The following EXOC4 variants were observed in gnomAD, a reference collection of about 807,000 sequenced individuals.
The protein encoded by EXOC4 is exocyst complex component 4.
Under a neutral mutation model 107.2 loss-of-function variants are expected in EXOC4, and 71 were observed. That is an observed-to-expected ratio of 0.66 (90% confidence interval 0.55 to 0.81). The LOEUF (loss-of-function observed/expected upper bound fraction) is 0.81. Ranked by LOEUF, EXOC4 falls within the 30% of genes least tolerant of loss-of-function variation. The pLI is 0.00. For synonymous variants in EXOC4, 456 were observed against 441.2 expected, an observed-to-expected ratio of 1.03 and a Z score of -0.42; for missense variants, 1,108 against 1,189.6, an observed-to-expected ratio of 0.93 and a Z score of 1.01.
At chr7:133,874,175 A>G (rs955575632) in intron 11 of EXOC4, among the ~76,000 whole-genome samples, 10 of 152,162 alleles carry the variant, frequency 6.6e-5, no homozygotes, top group African/African-American at 2.4e-4. Flanking sequence ...AAATGAAGAA[A>G]AGGAGAGCAA....
chr7:134,090,377 C>T, the EXOC4 span, among the ~76,000 whole-genome samples: 311 of 152,240 alleles, frequency 2.0e-3, no homozygotes, highest in Middle Eastern at 0.01. Context: ...TTTGTTGGGC[C>T]ATCTTGAAAA....
At chr7:134,005,170 TC>T in intron 16 of EXOC4, 80 bp downstream of exon 16, 1 of 1,397,556 alleles carries the variant, frequency 7.2e-7, no homozygotes, top group Non-Finnish European at 9.8e-7. Context: ...TTACTGAAGT[TC>T]AAGACTTGTA....
chr7:133,513,848 A>G (rs1799819522), intron 9 of EXOC4, among the ~76,000 whole-genome samples: 1 of 152,132 alleles, frequency 6.6e-6, no homozygotes, highest in South Asian at 2.1e-4. Flanking sequence ...GGTTATTATG[A>G]AGATTCATGA....
chr7:133,795,837 C>T (rs1259365169), intron 10 of EXOC4, among the ~76,000 whole-genome samples: 1 of 152,152 alleles, frequency 6.6e-6, no homozygotes, highest in African/African-American at 2.4e-5. Flanking sequence ...ATTAATTTCA[C>T]CAACTATATC....
Position 133,275,179 on chromosome 7 carries a change from T to G in EXOC4, c.276+8T>G. 6.3e-7 allele frequency: 1 copy of G among 1,577,566 alleles called. No individual in the cohort carries two copies. Among genetic ancestry groups the G allele is most frequent in the Non-Finnish European group, 8.6e-7 (1 of 1,159,266 alleles). ...CGAAATAAAATAAAGCAGGTATTCC[T>G]CCTTTCTGGTCTGATGGTGGCAGCA... On this transcript the variant is annotated splice_region_variant and intron_variant, in intron 2 of 17. Transcript: ENST00000253861.
intron 7 of EXOC4, among the ~76,000 whole-genome samples, chr7:133,401,612 T>C (rs1286062599): frequency 6.6e-6 from 1 of 150,998 alleles, no homozygotes; most frequent in African/African-American, 2.4e-5. Context: ...CAGTGAGCTA[T>C]GTTGCTGCCA....
Position 133,579,546 on chromosome 7 carries a change from C to G in EXOC4, c.1418-50499C>G, listed in dbSNP as rs560174483. On this transcript the variant is annotated intron_variant, in intron 9 of 17. Transcript: ENST00000253861. ...TACAGTACAGTGTTACTAACTCCAT[C>G]CATATTGTAGTTCAACCATCACCAC... Among the ~76,000 whole-genome samples the G allele has an allele frequency of 5.3e-5, 8 of 152,258 alleles. No individual in the cohort carries two copies. In the East Asian group the frequency reaches 1.5e-3, roughly 29 times the overall value.
the EXOC4 span, among the ~76,000 whole-genome samples, chr7:134,099,811 C>A: frequency 0.027 from 4,121 of 152,170 alleles, 193 homozygotes; most frequent in African/African-American, 0.088. Context: ...GGTTCAAGTG[C>A]TTCTCCTGCC....
chr7:133,848,622 C>T (rs539140489), intron 11 of EXOC4, among the ~76,000 whole-genome samples: 2 of 152,186 alleles, frequency 1.3e-5, no homozygotes, highest in African/African-American at 2.4e-5. Context: ...TATTATTCCA[C>T]GACTTTCCCC....
chr7:133,566,693 TTTG>T (rs1233568910), intron 9 of EXOC4, among the ~76,000 whole-genome samples: 1 of 152,230 alleles, frequency 6.6e-6, no homozygotes, highest in African/African-American at 2.4e-5. Flanking sequence ...CTATTCTTGC[TTTG>T]TTGTTTGTTT....
intron 9 of EXOC4, among the ~76,000 whole-genome samples, chr7:133,543,484 T>A (rs1800420800): frequency 6.6e-6 from 1 of 152,146 alleles, no homozygotes; most frequent in Non-Finnish European, 1.5e-5. Flanking sequence ...TTCTCCTGAG[T>A]TGCTGCCCCC....
chr7:133,480,108 G>A lies in EXOC4; in HGVS notation c.1387G>A (p.Glu463Lys). The change falls in exon 9 of 18, where the codon GAG (glutamate) becomes AAG (lysine). Residue 463 changes from glutamate (E) to lysine (K), a missense_variant. By Grantham distance (56) the Glu-to-Lys change is moderately conservative. Transcript: ENST00000253861. ...CGCCTATCTGCGAGAACAGAGAAGG[G>A]AGCTCTATAGTCGGAGTGGAGAACT... Reference protein sequence around the residue: ...MSAYLREQRRELYSRSGELQG... With the variant: ...MSAYLREQRRKLYSRSGELQG... The A allele has an allele frequency of 6.2e-7, 1 of 1,614,026 alleles. No individual in the cohort carries two copies. The highest frequency in any genetic ancestry group is 8.5e-7 in the Non-Finnish European group (1 of 1,179,936).
intron 9 of EXOC4, among the ~76,000 whole-genome samples, chr7:133,512,442 A>G (rs1264462777): frequency 6.6e-6 from 1 of 151,928 alleles, no homozygotes; most frequent in Non-Finnish European, 1.5e-5. Context: ...AAAAAAAAAG[A>G]AAATACATAG....
At chr7:134,028,843 G>A (rs564361419) in intron 17 of EXOC4, among the ~76,000 whole-genome samples, 1 of 152,342 alleles carries the variant, frequency 6.6e-6, no homozygotes, top group South Asian at 2.1e-4. Context: ...CCACTTACAC[G>A]TAATCTTCTT....
At chr7:133,466,532 T>C (rs1453048840) in intron 7 of EXOC4, among the ~76,000 whole-genome samples, 1 of 152,136 alleles carries the variant, frequency 6.6e-6, no homozygotes, top group Admixed American at 6.6e-5. Flanking sequence ...ATCTGAATTG[T>C]CCTATAACAA....
At chr7:133,885,034 G>A (rs938473733) in intron 11 of EXOC4, among the ~76,000 whole-genome samples, 3 of 152,124 alleles carry the variant, frequency 2.0e-5, no homozygotes, top group African/African-American at 7.2e-5. Flanking sequence ...ACAGCATAGT[G>A]GCCAGGCGCA....
At chr7:133,956,931 T>G (rs1277982763) in intron 14 of EXOC4, among the ~76,000 whole-genome samples, 1 of 152,218 alleles carries the variant, frequency 6.6e-6, no homozygotes, top group African/African-American at 2.4e-5. Flanking sequence ...AGAGCATGTT[T>G]TCTATGCATT....
At chr7:133,641,262 T>C (rs1433198710) in intron 10 of EXOC4, among the ~76,000 whole-genome samples, 1 of 152,190 alleles carries the variant, frequency 6.6e-6, no homozygotes, top group Admixed American at 6.5e-5. Context: ...AAAAATGTTT[T>C]GAGTAAATGA....
chr7:133,483,793 A>G (rs1005817667), intron 9 of EXOC4, among the ~76,000 whole-genome samples: 1 of 152,238 alleles, frequency 6.6e-6, no homozygotes, highest in African/African-American at 2.4e-5. Flanking sequence ...AGGAAAAAAG[A>G]GAAGAAAATC....
Sources: gnomAD v4.1 joint callset for allele counts (sites outside exome capture counted in the v4.1 genomes callset) on GRCh38, gnomAD v4.1.1 for gene constraint, MANE v1.5 for transcripts, NCBI Gene and HGNC (gene_info 2026-07-23, HGNC 2026-07-21) for gene names.